Variants in GRM4 observed in about 807,000 individuals in gnomAD.
The protein encoded by GRM4 is glutamate metabotropic receptor 4.
A neutral mutation model predicts 81.7 loss-of-function variants in GRM4; 28 were observed. The observed-to-expected ratio is 0.34, with a 90% CI of 0.25 to 0.47. The LOEUF (loss-of-function observed/expected upper bound fraction) is 0.47. GRM4 is among the 20% of genes least tolerant of loss of function. The probability of loss-of-function intolerance (pLI) is 1.00; values close to 1 mark genes in which losing one functional copy is unlikely to be tolerated. For missense variants in GRM4, 948 were observed against 1,290.0 expected (o/e 0.73, Z 4.06); for synonymous variants, 488 against 528.8 (o/e 0.92, Z 1.06).
rs962101238 is a variant in GRM4, at chr6:34,090,847, C to T, written c.736+1036G>A. On this transcript the variant is annotated intron_variant, in intron 3 of 10. Coordinates refer to ENST00000538487, the MANE Select transcript of GRM4 (RefSeq NM_000841.4). The surrounding 1 kb of genome is among the most constrained non-coding windows in gnomAD (Gnocchi z 5.2). ...ATACAGACGCCATCACCCAAGGTCT[C>T]GGGCACTGGTGAGCTGTGTAGAGGC... 5.9e-5 allele frequency among the ~76,000 whole-genome samples: 9 copies of T among 152,188 alleles called. No homozygotes were observed. The highest frequency in any genetic ancestry group is 2.1e-4 in the South Asian group (1 of 4,834).
intron 1 of GRM4, among the ~76,000 whole-genome samples, chr6:34,151,877 T>C (rs1313026272): frequency 6.6e-6 from 1 of 152,130 alleles, no homozygotes; most frequent in African/African-American, 2.4e-5. Flanking sequence ...TCCACTACTT[T>C]GAGCCTTAGC....
intron 5 of GRM4, among the ~76,000 whole-genome samples, chr6:34,058,120 T>A (rs960476453): frequency 1.3e-5 from 2 of 151,902 alleles, no homozygotes; most frequent in African/African-American, 4.8e-5. Context: ...ACAGATGTGG[T>A]CTTTGCAGGG....
At position 34,078,190 on chromosome 6, in the gene GRM4, G is replaced by A. The variant is rs760048377; in HGVS notation, c.736+13693C>T. The stretch of plus-strand genomic sequence containing the variant: ...TTAACTAACATTTGACCTATTGTCC[G>A]GAAGGCTCCCGGACCCATCTCCAGC... On this transcript the variant is annotated intron_variant, in intron 3 of 10. Transcript: ENST00000538487. This position sits in a 1 kb window ranked among gnomAD's most constrained non-coding sequence, Gnocchi z 4.8. Among the ~76,000 whole-genome samples, 12 of 152,074 alleles carry A rather than the reference G, an allele frequency of 7.9e-5. No homozygotes were observed. Among genetic ancestry groups the A allele is most frequent in the East Asian group, 3.9e-4 (2 of 5,194 alleles).
chr6:34,055,676 C>G (rs554351884), intron 6 of GRM4: 61 of 152,402 alleles, frequency 4.0e-4, no homozygotes, highest in African/African-American at 1.3e-3. Context: ...CGCAAAGACC[C>G]CTGTCCGGAT....
intron 3 of GRM4, among the ~76,000 whole-genome samples, chr6:34,073,355 ACCC>A (rs1256120580): frequency 2.2e-5 from 3 of 137,400 alleles, no homozygotes; most frequent in Non-Finnish European, 4.8e-5. Flanking sequence ...CCAGATTCAC[ACCC>A]CCACACAGAT....
At position 34,040,496 on chromosome 6, in the gene GRM4, G is replaced by A. The variant is rs138200514; in HGVS notation, c.1369+52C>T. 574 of 1,536,458 alleles carry A rather than the reference G, an allele frequency of 3.7e-4. 7 individuals are homozygous for A. The African/African-American group carries it at 5.9e-3, about 16-fold the overall frequency. On this transcript the variant is annotated intron_variant, in intron 7 of 10. Transcript: ENST00000538487. ...ACAGAGCCTAAGGGCCCCTCCCCTC[G>A]GGCATGGCCCAGGATACCCAGGGTC...
At chr6:34,024,643 G>A in intron 10 of GRM4, 1 of 455,930 alleles carries the variant, frequency 2.2e-6, no homozygotes, top group Admixed American at 2.3e-5. Flanking sequence ...ATGAAGGTCA[G>A]GGTCCAGCTC....
upstream of GRM4, among the ~76,000 whole-genome samples, chr6:34,148,437 GAC>G (rs370422279): frequency 2.6e-5 from 4 of 151,610 alleles, no homozygotes; most frequent in East Asian, 3.9e-4. Flanking sequence ...CACACTGAGA[GAC>G]ACACACACAC....
intron 2 of GRM4, among the ~76,000 whole-genome samples, chr6:34,120,830 G>A (rs1043778165): frequency 6.6e-6 from 1 of 152,178 alleles, no homozygotes; most frequent in Non-Finnish European, 1.5e-5. Context: ...TCCTGACCTT[G>A]TGATCCGCCC....
At chr6:34,025,438 C>T (rs1008266538) in intron 10 of GRM4, among the ~76,000 whole-genome samples, 3 of 152,128 alleles carry the variant, frequency 2.0e-5, no homozygotes, top group Non-Finnish European at 4.4e-5. Flanking sequence ...GCAGGGGATG[C>T]GAGCCTGAGG....
At chr6:34,058,007 G>A (rs996980965) in intron 5 of GRM4, among the ~76,000 whole-genome samples, 1 of 152,194 alleles carries the variant, frequency 6.6e-6, no homozygotes, top group Non-Finnish European at 1.5e-5. Context: ...TAAGAGCTGT[G>A]GGGATGGATG....
At chr6:34,058,900 G>A in intron 5 of GRM4, 74 bp downstream of exon 5, 1 of 1,171,696 alleles carries the variant, frequency 8.5e-7, no homozygotes, top group Non-Finnish European at 1.2e-6. Context: ...AGCAGAAGGG[G>A]AAGGAAGCCG....
intron 6 of GRM4, 42 bp from the exon 7 acceptor site, chr6:34,040,790 C>CTGTCCTCACAG: frequency 6.5e-7 from 1 of 1,527,822 alleles, no homozygotes; most frequent in Non-Finnish European, 9.0e-7. Context: ...GTGAGGCCCA[C>CTGTCCTCACAG]TGTCCTCACA....
rs183734332 is a variant in GRM4 at position 34,091,704 on chromosome 6, G to A, written c.736+179C>T. The stretch of plus-strand genomic sequence containing the variant: ...AGTCGCCGTTGACCGGAGTCACCCA[G>A]AGCCCAGTGAGGCCATGGACCAAAC... On this transcript the variant is annotated intron_variant, in intron 3 of 10. Coordinates refer to ENST00000538487, the MANE Select transcript of GRM4 (RefSeq NM_000841.4). 5.7e-5 allele frequency: 34 copies of A among 599,908 alleles called. No individual in the cohort carries two copies. The East Asian group carries it at 9.1e-4, about 16-fold the overall frequency. The allele number at this position is 599,908 out of a possible 1,614,324, so 37.2% of individuals were successfully genotyped here. A position where few individuals can be genotyped will look rare whatever the true frequency, so the allele number is the denominator to read the frequency against.
At chr6:34,095,971 G>A (rs1041801983) in intron 2 of GRM4, among the ~76,000 whole-genome samples, 4 of 152,210 alleles carry the variant, frequency 2.6e-5, no homozygotes, top group African/African-American at 9.6e-5. Flanking sequence ...AGCCCGAGCA[G>A]GAGGGGGACG....
chr6:34,115,605 T>C lies in GRM4; in HGVS notation c.519+17373A>G, dbSNP rs910701604. ...CCTTTCAGGCCTCTAAAAGACCATT[T>C]AGTAAATCGATGCTCTGAAAGAGCC... On this transcript the variant is annotated intron_variant, in intron 2 of 10. Coordinates refer to ENST00000538487, the MANE Select transcript of GRM4 (RefSeq NM_000841.4). This position sits in a 1 kb window ranked among gnomAD's most constrained non-coding sequence, Gnocchi z 4.1. 6.6e-6 allele frequency among the ~76,000 whole-genome samples: 1 copy of C among 152,274 alleles called. No homozygotes were observed. The highest frequency in any genetic ancestry group is 6.5e-5 in the Admixed American group (1 of 15,298).
intron 8 of GRM4, among the ~76,000 whole-genome samples, chr6:34,039,834 T>G (rs1489755597): frequency 2.5e-5 from 1 of 39,304 alleles, no homozygotes; most frequent in Non-Finnish European, 5.7e-5. Context: ...CACCCCCCAC[T>G]TGCCCACCCA....
intron 3 of GRM4, 122 bp downstream of exon 3, chr6:34,091,761 C>A: frequency 1.4e-6 from 1 of 713,238 alleles, no homozygotes; most frequent in Non-Finnish European, 2.4e-6. Context: ...CGAGGCCCAC[C>A]TGGCAACAGC....
Position 34,035,166 on chromosome 6 carries a change from G to A in GRM4, c.2442+502C>T, listed in dbSNP as rs1473435117. On this transcript the variant is annotated intron_variant, in intron 9 of 10. Coordinates refer to ENST00000538487, the MANE Select transcript of GRM4 (RefSeq NM_000841.4). The surrounding 1 kb of genome is among the most constrained non-coding windows in gnomAD (Gnocchi z 6.6). Reference sequence around the variant, plus strand: ...TGAGTAGGGAGAGAGGTAAGAGAAAGGAGTCTAGAAAAGAATGAAGAGTGA... The same window carrying A: ...TGAGTAGGGAGAGAGGTAAGAGAAAAGAGTCTAGAAAAGAATGAAGAGTGA... 6.6e-6 allele frequency among the ~76,000 whole-genome samples: 1 copy of A among 151,864 alleles called. No homozygotes were observed. Among genetic ancestry groups the A allele is most frequent in the African/African-American group, 2.4e-5 (1 of 41,264 alleles).
Sources: allele counts gnomAD v4.1 joint callset (sites outside exome capture counted in the v4.1 genomes callset), GRCh38; gene constraint gnomAD v4.1.1; non-coding constraint Gnocchi (gnomAD v3.1); transcripts MANE v1.5; gene names NCBI Gene and HGNC (gene_info 2026-07-23, HGNC 2026-07-21).